DAB1: variants seen among roughly 807,000 people sequenced by gnomAD.
DAB1 encodes DAB adaptor protein 1.
A neutral mutation model predicts 64.6 loss-of-function variants in DAB1; 15 were observed. That is an observed-to-expected ratio of 0.23 (90% CI 0.16 to 0.36). The LOEUF is 0.36. Among genes scored for constraint, DAB1 ranks in the 10% least tolerant of loss-of-function variants. The probability of loss-of-function intolerance (pLI) is 1.00; values close to 1 mark genes in which losing one functional copy is unlikely to be tolerated. For synonymous variants in DAB1, 235 were observed against 251.9 expected, an observed-to-expected ratio of 0.93 and a Z score of 0.64; for missense variants, 596 against 706.7, an observed-to-expected ratio of 0.84 and a Z score of 1.78.
chr1:57,157,116 A>G (rs1660297759), intron 2 of DAB1, among the ~76,000 whole-genome samples: 1 of 152,180 alleles, frequency 6.6e-6, no homozygotes, highest in African/African-American at 2.4e-5. Flanking sequence ...AAAGACCATT[A>G]ATGGCCAAAT....
chr1:57,958,787 C>G (rs1298419911), intron 5 of DAB1, among the ~76,000 whole-genome samples: 3 of 152,266 alleles, frequency 2.0e-5, no homozygotes, highest in Non-Finnish European at 4.4e-5. Flanking sequence ...TGTCCTCTTT[C>G]TATGTCTTCT....
chr1:57,447,772 C>A (rs887258266), intron 7 of DAB1, among the ~76,000 whole-genome samples: 1 of 152,076 alleles, frequency 6.6e-6, no homozygotes, highest in Non-Finnish European at 1.5e-5. Context: ...TTATCAAGAT[C>A]CCCTCACCCA....
intron 6 of DAB1, among the ~76,000 whole-genome samples, chr1:57,793,452 A>G (rs1384771321): frequency 6.6e-6 from 1 of 152,212 alleles, no homozygotes; most frequent in Non-Finnish European, 1.5e-5. Flanking sequence ...AAGAAGAGAC[A>G]GTGGCCCTTG....
rs183131024 is a variant in DAB1 at position 57,140,767 on chromosome 1, C to T, written c.208-4126G>A. Among the ~76,000 whole-genome samples the T allele has an allele frequency of 5.1e-3, 776 of 152,216 alleles. 3 individuals carry two copies. The highest frequency in any genetic ancestry group is 8.8e-3 in the Non-Finnish European group (601 of 68,018). ...ATATTGATATGATTAAGCAATACCA[C>T]GTGCTAGGCACTGTGTGAAATGATT... On this transcript the variant is annotated intron_variant, in intron 3 of 14. Coordinates refer to ENST00000371236, the MANE Select transcript of DAB1 (RefSeq NM_001365792.1).
intron 5 of DAB1, among the ~76,000 whole-genome samples, chr1:57,960,654 T>C (rs1216734213): frequency 6.6e-6 from 1 of 152,252 alleles, no homozygotes; most frequent in Non-Finnish European, 1.5e-5. Context: ...CTGTAAGTGC[T>C]AGATTTCAGA....
intron 7 of DAB1, among the ~76,000 whole-genome samples, chr1:57,614,708 C>G (rs1645768686): frequency 6.6e-6 from 1 of 152,058 alleles, no homozygotes; most frequent in Admixed American, 6.6e-5. Context: ...TGGACTCCTT[C>G]TCTTTGTAAA....
chr1:58,218,989 T>TTTTC (rs1234070901), intron 4 of DAB1, among the ~76,000 whole-genome samples: 1 of 125,852 alleles, frequency 7.9e-6, no homozygotes, highest in Admixed American at 8.0e-5. Context: ...ATTCTGGCCA[T>TTTTC]TCTCTCTCTC....
chr1:57,168,210 G>T (rs1661385543), intron 2 of DAB1, among the ~76,000 whole-genome samples: 1 of 152,152 alleles, frequency 6.6e-6, no homozygotes, highest in African/African-American at 2.4e-5. Flanking sequence ...TATTCAAAAT[G>T]AAATGTCAGT....
intron 6 of DAB1, among the ~76,000 whole-genome samples, chr1:57,757,312 T>C (rs1445753301): frequency 6.6e-6 from 1 of 151,396 alleles, no homozygotes; most frequent in Non-Finnish European, 1.5e-5. Context: ...GGTGTGACTT[T>C]AGGCAATGTA....
chr1:57,103,050 G>C (rs749275354), intron 4 of DAB1, among the ~76,000 whole-genome samples: 11 of 152,166 alleles, frequency 7.2e-5, no homozygotes, highest in Non-Finnish European at 1.3e-4. Flanking sequence ...CCTTTCTAGA[G>C]AAAATGGACA....
At chr1:58,121,311 G>A (rs1292402131) in intron 5 of DAB1, among the ~76,000 whole-genome samples, 1 of 152,054 alleles carries the variant, frequency 6.6e-6, no homozygotes, top group Admixed American at 6.6e-5. Flanking sequence ...CAGTAGCAGG[G>A]TATGCAAGTA....
chr1:58,134,787 G>A (rs1338219773), intron 5 of DAB1, among the ~76,000 whole-genome samples: 2 of 152,122 alleles, frequency 1.3e-5, no homozygotes, highest in Non-Finnish European at 2.9e-5. Context: ...CTCCCAGCAG[G>A]CCCCACCTCC....
At chr1:57,012,953 C>G (rs1334518818) in intron 12 of DAB1, among the ~76,000 whole-genome samples, 4 of 152,206 alleles carry the variant, frequency 2.6e-5, no homozygotes, top group Admixed American at 6.5e-5. Context: ...TAGGATGCTG[C>G]TAATACTCTA....
At chr1:58,330,532 G>A (rs1662945895) in intron 4 of DAB1, among the ~76,000 whole-genome samples, 1 of 152,180 alleles carries the variant, frequency 6.6e-6, no homozygotes, top group Admixed American at 6.5e-5. Flanking sequence ...TGCTATCTAG[G>A]ACTTTCAGAG....
intron 7 of DAB1, among the ~76,000 whole-genome samples, chr1:57,518,337 C>A (rs1644486832): frequency 6.6e-6 from 1 of 152,164 alleles, no homozygotes; most frequent in Admixed American, 6.5e-5. Flanking sequence ...ACGCCACTCC[C>A]TTCTGAATAG....
intron 1 of DAB1, among the ~76,000 whole-genome samples, chr1:58,529,271 C>G (rs1390473655): frequency 6.6e-6 from 1 of 152,226 alleles, no homozygotes; most frequent in East Asian, 1.9e-4. Flanking sequence ...AGATGGCACT[C>G]TGATGGGAAC....
chr1:57,326,290 C>A (rs954356891), intron 1 of DAB1, among the ~76,000 whole-genome samples: 1 of 152,204 alleles, frequency 6.6e-6, no homozygotes. Flanking sequence ...AATGCTCATG[C>A]TCTGCCTGAC....
intron 2 of DAB1, among the ~76,000 whole-genome samples, chr1:57,150,130 G>T (rs1003977769): frequency 6.6e-6 from 1 of 152,150 alleles, no homozygotes; most frequent in Non-Finnish European, 1.5e-5. Context: ...ATAATCGTTG[G>T]TAAGTTCCTT....
At chr1:58,516,071 GGCTTT>G (rs1324940847) in intron 2 of DAB1, among the ~76,000 whole-genome samples, 1 of 152,156 alleles carries the variant, frequency 6.6e-6, no homozygotes, top group Admixed American at 6.5e-5. Context: ...CCACTTAACA[GGCTTT>G]GGGGATTACT....
Sources: gnomAD v4.1 joint callset for allele counts (sites outside exome capture counted in the v4.1 genomes callset) on GRCh38, gnomAD v4.1.1 for gene constraint, MANE v1.5 for transcripts, NCBI Gene and HGNC (gene_info 2026-07-23, HGNC 2026-07-21) for gene names.